CD300LB: variants seen among roughly 807,000 people sequenced by gnomAD.
CD300LB encodes CMRF35-like molecule 7.
A neutral mutation model predicts 20.8 loss-of-function variants in CD300LB; 18 were observed. The observed-to-expected ratio is 0.87, with a 90% CI of 0.60 to 1.28. The LOEUF is 1.28. Among genes scored for constraint, CD300LB ranks in the 50% most tolerant of loss-of-function variants. CD300LB has a pLI of 0.00. For synonymous variants in CD300LB, 91 were observed against 91.3 expected (o/e 1.00, Z 0.02); for missense variants, 222 against 251.8 (o/e 0.88, Z 0.80).
At position 74,522,528 on chromosome 17, in the gene CD300LB, C is replaced by G; in HGVS notation, c.*210G>C. 2 of 1,348,952 alleles carry G rather than the reference C, an allele frequency of 1.5e-6. No homozygotes were observed. The highest frequency in any genetic ancestry group is 2.8e-4 in the Middle Eastern group (1 of 3,538). 83.6% of individuals were successfully genotyped at this position (1,348,952 alleles called of 1,614,324 possible). A position where few individuals can be genotyped will look rare whatever the true frequency, so the allele number is the denominator to read the frequency against. On this transcript the variant is annotated 3_prime_UTR_variant, in exon 4 of 4. Transcript: ENST00000392621. Reference sequence around the variant, plus strand: ...TGACCAAGAGAACAGGTGCTGGCACCCCAGGAGGTGATGGTGGCTCAGGAG... The same window carrying G: ...TGACCAAGAGAACAGGTGCTGGCACGCCAGGAGGTGATGGTGGCTCAGGAG...
intron 1 of CD300LB, 142 bp from the exon 2 acceptor site, chr17:74,526,219 T>C (rs1908032800): frequency 1.6e-6 from 2 of 1,239,156 alleles, no homozygotes; most frequent in South Asian, 2.9e-5. Context: ...CTGAGCCAGT[T>C]TGGTGTTTAA....
Position 74,522,290 on chromosome 17 carries a change from C to T in CD300LB, c.*448G>A, listed in dbSNP as rs938636632. 2 of 987,592 alleles carry T rather than the reference C, an allele frequency of 2.0e-6. No homozygotes were observed. Among genetic ancestry groups the T allele is most frequent in the Non-Finnish European group, 2.4e-6 (2 of 831,356 alleles). The allele number at this position is 987,592 out of a possible 1,614,324, so 61.2% of individuals were successfully genotyped here. Reference sequence around the variant, plus strand: ...CCTATGAACATAAGTCATTAAAACCCAACTTTGCTAGAAAAAAAAAAATTT... The same window carrying T: ...CCTATGAACATAAGTCATTAAAACCTAACTTTGCTAGAAAAAAAAAAATTT... On this transcript the variant is annotated 3_prime_UTR_variant, in exon 4 of 4. Coordinates refer to ENST00000392621, the MANE Select transcript of CD300LB (RefSeq NM_174892.4).
At chr17:74,528,780 G>A (rs901331684) in intron 1 of CD300LB, among the ~76,000 whole-genome samples, 44 of 152,172 alleles carry the variant, frequency 2.9e-4, no homozygotes, top group Admixed American at 2.8e-3. Context: ...TGCAAGTATC[G>A]CTTCCTTATT....
chr17:74,527,448 C>G (rs1325748723), intron 1 of CD300LB, among the ~76,000 whole-genome samples: 1 of 152,270 alleles, frequency 6.6e-6, no homozygotes, highest in Admixed American at 6.5e-5. Flanking sequence ...CTCCTCACAG[C>G]TTGGGCCTTC....
chr17:74,527,935 A>G (rs1598128985), intron 1 of CD300LB, among the ~76,000 whole-genome samples: 1 of 152,046 alleles, frequency 6.6e-6, no homozygotes, highest in Non-Finnish European at 1.5e-5. Flanking sequence ...TCAAACTACC[A>G]CCTGATCTCC....
Position 74,523,711 on chromosome 17 carries a change from C to A in CD300LB, c.371-60G>T, listed in dbSNP as rs139775917. On this transcript the variant is annotated intron_variant, in intron 2 of 3. Coordinates refer to ENST00000392621, the MANE Select transcript of CD300LB (RefSeq NM_174892.4). ...CACAGTTGGGAGCTCATGCATGGGT[C>A]ACAAAGCCACGCGACCCTGCCAGCC... 5,535 of 1,138,728 alleles carry A rather than the reference C, an allele frequency of 4.9e-3. 36 individuals carry two copies. The highest frequency in any genetic ancestry group is 6.0e-3 in the Middle Eastern group (30 of 5,040). The allele number at this position is 1,138,728 out of a possible 1,614,324, so 70.5% of individuals were successfully genotyped here. A position where few individuals can be genotyped will look rare whatever the true frequency, so the allele number is the denominator to read the frequency against.
intron 1 of CD300LB, among the ~76,000 whole-genome samples, chr17:74,529,260 A>G (rs1908128009): frequency 6.6e-6 from 1 of 152,162 alleles, no homozygotes; most frequent in African/African-American, 2.4e-5. Context: ...GGATCATGGC[A>G]GTGGCATCTG....
rs1907898530 is a variant in CD300LB, at chr17:74,522,152, G to A, written c.*586C>T. 3 of 985,548 alleles carry A rather than the reference G, an allele frequency of 3.0e-6. No individual in the cohort carries two copies. Among genetic ancestry groups the A allele is most frequent in the Non-Finnish European group, 3.6e-6 (3 of 830,010 alleles). 61.1% of individuals were successfully genotyped at this position (985,548 alleles called of 1,614,324 possible). A position where few individuals can be genotyped will look rare whatever the true frequency, so the allele number is the denominator to read the frequency against. ...AGGTTCCCATTGCCTCCTCAGCCCT[G>A]TGGACTCAGAGCCATGTCCTCCCTG... On this transcript the variant is annotated 3_prime_UTR_variant, in exon 4 of 4. Coordinates refer to ENST00000392621, the MANE Select transcript of CD300LB (RefSeq NM_174892.4).
Position 74,522,532 on chromosome 17 carries a change from G to C in CD300LB, c.*206C>G. 1 of 1,355,598 alleles carries C rather than the reference G, an allele frequency of 7.4e-7. No individual in the cohort carries two copies. Among genetic ancestry groups the C allele is most frequent in the African/African-American group, 1.5e-5 (1 of 68,052 alleles). 84.0% of individuals were successfully genotyped at this position (1,355,598 alleles called of 1,614,324 possible). ...CAAGAGAACAGGTGCTGGCACCCCAGGAGGTGATGGTGGCTCAGGAGAGGA... is the reference window on the plus strand; with the variant it reads ...CAAGAGAACAGGTGCTGGCACCCCACGAGGTGATGGTGGCTCAGGAGAGGA... On this transcript the variant is annotated 3_prime_UTR_variant, in exon 4 of 4. Coordinates refer to ENST00000392621, the MANE Select transcript of CD300LB (RefSeq NM_174892.4).
chr17:74,527,964 G>A (rs1295553159), intron 1 of CD300LB, among the ~76,000 whole-genome samples: 2 of 151,980 alleles, frequency 1.3e-5, no homozygotes, highest in African/African-American at 2.4e-5. Context: ...TCAGACCAGC[G>A]GCCGCATTAG....
In CD300LB at chr17:74,526,089, A is replaced by G. The variant is rs753432943; in HGVS notation, c.41-12T>C. 5.6e-6 allele frequency: 9 copies of G among 1,611,198 alleles called. No individual in the cohort carries two copies. Among genetic ancestry groups the G allele is most frequent in the African/African-American group, 1.3e-5 (1 of 74,942 alleles). ...GATGGAGAAACAGCCTGGAAAACAGAATCCCAAGATACAGCTCATTGCACC... is the reference window on the plus strand; with the variant it reads ...GATGGAGAAACAGCCTGGAAAACAGGATCCCAAGATACAGCTCATTGCACC... On this transcript the variant is annotated splice_polypyrimidine_tract_variant and intron_variant, in intron 1 of 3. Coordinates refer to ENST00000392621, the MANE Select transcript of CD300LB (RefSeq NM_174892.4).
chr17:74,522,329 T>C lies in CD300LB; in HGVS notation c.*409A>G, dbSNP rs1476909858. On this transcript the variant is annotated 3_prime_UTR_variant, in exon 4 of 4. Coordinates refer to ENST00000392621, the MANE Select transcript of CD300LB (RefSeq NM_174892.4). ...AAAAAAAAATTTAAAAACACGGATA[T>C]ATCAGGTTCTCAGGCAAAGACGGTG... The C allele has an allele frequency of 5.0e-6, 5 of 992,218 alleles. No individual in the cohort carries two copies. Among genetic ancestry groups the C allele is most frequent in the Non-Finnish European group, 4.8e-6 (4 of 834,618 alleles). 61.5% of individuals were successfully genotyped at this position (992,218 alleles called of 1,614,324 possible).
In CD300LB at chr17:74,523,655, G is replaced by C. The variant is rs1187049720; in HGVS notation, c.371-4C>G. 1.2e-6 allele frequency: 2 copies of C among 1,609,740 alleles called. No homozygotes were observed. The highest frequency in any genetic ancestry group is 8.5e-7 in the Non-Finnish European group (1 of 1,176,032). The stretch of plus-strand genomic sequence containing the variant: ...GCTGTTGTGGAAGCCGCTCCCTCTA[G>C]ACACAGGCAAAGTCAGCCATGGGTT... On this transcript the variant is annotated splice_region_variant and splice_polypyrimidine_tract_variant and intron_variant, in intron 2 of 3. Transcript: ENST00000392621.
chr17:74,521,602 C>T lies in CD300LB; in HGVS notation c.*1136G>A, dbSNP rs1907880811. ...GTGCCATGCTAGGGACCAGAGGGTC[C>T]CCTCTCCTTTATCCACTGCTGACAG... On this transcript the variant is annotated 3_prime_UTR_variant, in exon 4 of 4. Coordinates refer to ENST00000392621, the MANE Select transcript of CD300LB (RefSeq NM_174892.4). 2.0e-6 allele frequency: 2 copies of T among 985,448 alleles called. No homozygotes were observed. Among genetic ancestry groups the T allele is most frequent in the South Asian group, 4.7e-5 (1 of 21,286 alleles). The allele number at this position is 985,448 out of a possible 1,614,324, so 61.0% of individuals were successfully genotyped here. A position where few individuals can be genotyped will look rare whatever the true frequency, so the allele number is the denominator to read the frequency against.
At chr17:74,529,800 A>C (rs1316716561) in intron 1 of CD300LB, among the ~76,000 whole-genome samples, 1 of 152,212 alleles carries the variant, frequency 6.6e-6, no homozygotes, top group African/African-American at 2.4e-5. Flanking sequence ...AAAAACAAAA[A>C]ACAAAAACAA....
chr17:74,525,584 T>C (rs1208706396), intron 2 of CD300LB, among the ~76,000 whole-genome samples, 164 bp downstream of exon 2: 1 of 152,022 alleles, frequency 6.6e-6, no homozygotes, highest in Non-Finnish European at 1.5e-5. Context: ...TTCTGTCACC[T>C]CCTTCCCAGT....
At chr17:74,523,675 T>C in intron 2 of CD300LB, 24 bp from the exon 3 acceptor site, 11 of 1,564,060 alleles carry the variant, frequency 7.0e-6, no homozygotes, top group Non-Finnish European at 8.8e-6. Flanking sequence ...AAGTCAGCCA[T>C]GGGTTATTAG....
At chr17:74,527,221 C>A (rs908456398) in intron 1 of CD300LB, among the ~76,000 whole-genome samples, 5 of 152,234 alleles carry the variant, frequency 3.3e-5, no homozygotes, top group Non-Finnish European at 7.3e-5. Context: ...AAATGGCAGT[C>A]CGTGCCTCCG....
rs919410838 is a variant in CD300LB, at chr17:74,521,665, C to G, written c.*1073G>C. On this transcript the variant is annotated 3_prime_UTR_variant, in exon 4 of 4. Transcript: ENST00000392621. ...ATTAGAACCAAGAGCAGGTTGGAGG[C>G]GTCCTCATGGGTGTTCAAAGGGCAA... The G allele has an allele frequency of 2.0e-6, 2 of 985,258 alleles. No individual in the cohort carries two copies. The highest frequency in any genetic ancestry group is 3.5e-5 in the African/African-American group (2 of 57,154). The allele number at this position is 985,258 out of a possible 1,614,324, so 61.0% of individuals were successfully genotyped here. A position where few individuals can be genotyped will look rare whatever the true frequency, so the allele number is the denominator to read the frequency against.
Sources: gnomAD v4.1 joint callset for allele counts (sites outside exome capture counted in the v4.1 genomes callset) on GRCh38, gnomAD v4.1.1 for gene constraint, MANE v1.5 for transcripts, NCBI Gene and HGNC (gene_info 2026-07-23, HGNC 2026-07-21) for gene names.